Variants in NRG1 observed in about 807,000 individuals in gnomAD.
NRG1 encodes the protein neuregulin 1.
Under a neutral mutation model 63.8 loss-of-function variants are expected in NRG1, and 18 were observed. The observed-to-expected ratio is 0.28, with a 90% confidence interval of 0.19 to 0.42. The LOEUF is 0.42. Among genes scored for constraint, NRG1 ranks in the 10% least tolerant of loss-of-function variants. The pLI is 1.00. For missense variants in NRG1, 762 were observed against 814.7 expected (o/e 0.94, Z 0.79); for synonymous variants, 302 against 301.3 (o/e 1.00, Z -0.02).
chr8:31,986,342 A>G (rs1810062299), intron 1 of NRG1, among the ~76,000 whole-genome samples: 1 of 152,046 alleles, frequency 6.6e-6, no homozygotes, highest in Non-Finnish European at 1.5e-5. Flanking sequence ...GCACCAGTCC[A>G]CACCACACTC....
At chr8:32,197,978 GCACA>G (rs772573624) in intron 1 of NRG1, among the ~76,000 whole-genome samples, 1 of 151,212 alleles carries the variant, frequency 6.6e-6, no homozygotes, top group Non-Finnish European at 1.5e-5. Context: ...GCATGCACGC[GCACA>G]CACACACACA....
At chr8:31,945,805 A>C (rs759212201) in intron 1 of NRG1, among the ~76,000 whole-genome samples, 2 of 152,074 alleles carry the variant, frequency 1.3e-5, no homozygotes, top group Non-Finnish European at 2.9e-5. Flanking sequence ...TTGTTATTTG[A>C]TCCCAAGATC....
chr8:32,507,780 CT>C (rs142450470), intron 1 of NRG1, among the ~76,000 whole-genome samples: 42,014 of 152,052 alleles, frequency 0.28, 6,185 homozygotes, highest in South Asian at 0.35. Context: ...TTACTGCAAC[CT>C]CCACCTCCCA....
At chr8:32,443,640 C>A (rs1349011513) in intron 1 of NRG1, among the ~76,000 whole-genome samples, 2 of 152,134 alleles carry the variant, frequency 1.3e-5, no homozygotes, top group East Asian at 3.9e-4. Context: ...ACACAAACTC[C>A]TAGTAAGTGT....
intron 1 of NRG1, among the ~76,000 whole-genome samples, chr8:31,847,445 G>C (rs952829075): frequency 6.6e-6 from 1 of 152,190 alleles, no homozygotes; most frequent in East Asian, 1.9e-4. Flanking sequence ...AGCAGACATA[G>C]CTTCTGCCCT....
In NRG1 at chr8:32,609,065, C is replaced by A. The variant is rs183133695; in HGVS notation, c.400+3382C>A. Among the ~76,000 whole-genome samples, 23 of 152,288 alleles carry A rather than the reference C, an allele frequency of 1.5e-4. No individual in the cohort carries two copies. The East Asian group carries it at 4.4e-3, about 29-fold the overall frequency. ...GAGGGTGGAGCCGGAAACATAGCTGCCCGGAAGCTCCTCTCTTCAAAGTCT... is the reference window on the plus strand; with the variant it reads ...GAGGGTGGAGCCGGAAACATAGCTGACCGGAAGCTCCTCTCTTCAAAGTCT... On this transcript the variant is annotated intron_variant, in intron 3 of 11. Transcript: ENST00000356819.
chr8:31,736,805 A>G (rs1331630575), intron 1 of NRG1, among the ~76,000 whole-genome samples: 1 of 152,190 alleles, frequency 6.6e-6, no homozygotes, highest in Admixed American at 6.5e-5. Flanking sequence ...ATATAACTCA[A>G]GTAGATAAGT....
rs151235448 is a variant in NRG1, at chr8:32,085,597, T to C, written c.37+446166T>C. 2.7e-3 allele frequency among the ~76,000 whole-genome samples: 404 copies of C among 152,304 alleles called. 4 individuals carry two copies. Among genetic ancestry groups the C allele is most frequent in the African/African-American group, 9.2e-3 (384 of 41,570 alleles). ...TCTTCCTGGATCTAGATGGAAGATA[T>C]TAACTTTCAGACTAACTGTTCACTG... On this transcript the variant is annotated intron_variant, in intron 1 of 10. Coordinates refer to the NRG1 transcript ENST00000519301.
intron 1 of NRG1, among the ~76,000 whole-genome samples, chr8:31,868,147 T>TACAC (rs1047085862): frequency 0.044 from 1,421 of 32,552 alleles, 7 homozygotes; most frequent in African/African-American, 0.059. Flanking sequence ...ACATACATCT[T>TACAC]ACACACACAC....
In NRG1 at chr8:31,639,306, A is replaced by G. The variant is rs546934044; in HGVS notation, c.-89A>G. On this transcript the variant is annotated 5_prime_UTR_variant, in exon 1 of 11. Coordinates refer to the NRG1 transcript ENST00000519301. ...TTGCCGCCCGTCCTCCCATTGCAGC[A>G]CTCGGGGCGACAGAGAGGGAGGAGG... 73 of 1,484,064 alleles carry G rather than the reference A, an allele frequency of 4.9e-5. No homozygotes were observed. In the East Asian group the frequency reaches 1.8e-3, roughly 36 times the overall value. 91.9% of individuals were successfully genotyped at this position (1,484,064 alleles called of 1,614,324 possible). A position where few individuals can be genotyped will look rare whatever the true frequency, so the allele number is the denominator to read the frequency against.
At chr8:32,759,509 C>A in intron 10 of NRG1, 73 bp downstream of exon 10, 3 of 1,532,898 alleles carry the variant, frequency 2.0e-6, no homozygotes, top group Non-Finnish European at 8.9e-7. Context: ...GATATCCCTG[C>A]CTAAGAAAGG....
At chr8:32,344,303 ATC>A (rs1355910863) in intron 1 of NRG1, among the ~76,000 whole-genome samples, 1 of 101,182 alleles carries the variant, frequency 9.9e-6, no homozygotes, top group Non-Finnish European at 2.5e-5. Context: ...AAAGAGCCAC[ATC>A]TTTTTTTTTT....
intron 1 of NRG1, among the ~76,000 whole-genome samples, chr8:32,446,061 A>G (rs1820197433): frequency 6.6e-6 from 1 of 152,238 alleles, no homozygotes; most frequent in African/African-American, 2.4e-5. Flanking sequence ...TAAATTCTGG[A>G]CTAAACCTCA....
intron 1 of NRG1, among the ~76,000 whole-genome samples, chr8:32,386,597 C>T (rs1447818093): frequency 6.6e-6 from 1 of 152,160 alleles, no homozygotes. Context: ...AACGGACAAA[C>T]CTATGTCCTC....
intron 5 of NRG1, among the ~76,000 whole-genome samples, chr8:32,713,714 A>G (rs1251102903): frequency 6.8e-6 from 1 of 146,840 alleles, no homozygotes; most frequent in African/African-American, 2.5e-5. Context: ...ATATAATAAT[A>G]TATTTATGTT....
At chr8:32,455,281 G>A (rs919435734) in intron 1 of NRG1, among the ~76,000 whole-genome samples, 7 of 152,110 alleles carry the variant, frequency 4.6e-5, no homozygotes, top group African/African-American at 9.7e-5. Flanking sequence ...GGTACCATAC[G>A]TGATCCTACC....
chr8:32,471,253 A>T (rs982708186), intron 1 of NRG1, among the ~76,000 whole-genome samples: 1 of 152,220 alleles, frequency 6.6e-6, no homozygotes, highest in Non-Finnish European at 1.5e-5. Context: ...AACAACAATA[A>T]GATTCTTTAT....
At chr8:31,834,314 C>CACACACAA (rs1825485025) in intron 1 of NRG1, among the ~76,000 whole-genome samples, 1 of 148,160 alleles carries the variant, frequency 6.7e-6, no homozygotes, top group African/African-American at 2.6e-5. Context: ...CGCGCACACA[C>CACACACAA]ACACACACAC....
At chr8:31,954,073 GA>G (rs139696156) in intron 1 of NRG1, among the ~76,000 whole-genome samples, 4,879 of 150,444 alleles carry the variant, frequency 0.032, 221 homozygotes, top group African/African-American at 0.1. Context: ...ATCAAATTAG[GA>G]AAAAAAAATA....
Sources: gnomAD v4.1 joint callset for allele counts (sites outside exome capture counted in the v4.1 genomes callset) on GRCh38, gnomAD v4.1.1 for gene constraint, MANE v1.5 for transcripts, NCBI Gene and HGNC (gene_info 2026-07-23, HGNC 2026-07-21) for gene names.